Variants in FKBP5 observed in about 807,000 individuals in gnomAD.
FKBP5 encodes the protein peptidyl-prolyl cis-trans isomerase FKBP5.
A neutral mutation model predicts 50.5 loss-of-function variants in FKBP5; 23 were observed. That is an observed-to-expected ratio of 0.46 (90% CI 0.33 to 0.65). FKBP5 has a LOEUF of 0.65. FKBP5 is among the 30% of genes least tolerant of loss of function. The pLI is 0.02. For missense variants in FKBP5, 411 were observed against 553.1 expected, an observed-to-expected ratio of 0.74 and a Z score of 2.58; for synonymous variants, 176 against 190.6, an observed-to-expected ratio of 0.92 and a Z score of 0.63.
In FKBP5 at chr6:35,651,677, C is replaced by T. The variant is rs190200099; in HGVS notation, c.-19-8834G>A. On this transcript the variant is annotated intron_variant, in intron 1 of 10. Coordinates refer to ENST00000357266, the MANE Select transcript of FKBP5 (RefSeq NM_004117.4). ...TTGAGCATTCCTAATTGGAAAAATC[C>T]GAAATCCAAGATGCTCCAAACTCTG... 948 of 157,368 alleles carry T rather than the reference C, an allele frequency of 6.0e-3. 6 individuals carry two copies. The highest frequency in any genetic ancestry group is 0.04 in the East Asian group (212 of 5,302). The allele number at this position is 157,368 out of a possible 1,614,324, so 9.7% of individuals were successfully genotyped here.
At chr6:35,597,534 C>T (rs976298657) in intron 5 of FKBP5, 130 bp from the exon 6 acceptor site, 1 of 1,081,794 alleles carries the variant, frequency 9.2e-7, no homozygotes, top group Non-Finnish European at 1.3e-6. Context: ...AAGAGACACA[C>T]ACAGTGTGTC....
chr6:35,708,860 G>A (rs1382642590), intron 2 of FKBP5, among the ~76,000 whole-genome samples: 2 of 152,098 alleles, frequency 1.3e-5, no homozygotes, highest in Non-Finnish European at 2.9e-5. Flanking sequence ...GTTGAAGATG[G>A]CATAAAAATG....
At chr6:35,633,243 T>G (rs1040902409) in intron 3 of FKBP5, among the ~76,000 whole-genome samples, 2 of 152,078 alleles carry the variant, frequency 1.3e-5, no homozygotes, top group Admixed American at 6.6e-5. Flanking sequence ...TGCTATAAAA[T>G]ATAAGTATAA....
intron 2 of FKBP5, among the ~76,000 whole-genome samples, chr6:35,699,461 G>T (rs529773765): frequency 1.3e-5 from 2 of 152,240 alleles, no homozygotes; most frequent in African/African-American, 4.8e-5. Flanking sequence ...GACGACCAAG[G>T]TTACTCTCTA....
intron 1 of FKBP5, among the ~76,000 whole-genome samples, chr6:35,647,061 G>A (rs536094925): frequency 6.6e-6 from 1 of 152,242 alleles, no homozygotes; most frequent in South Asian, 2.1e-4. Flanking sequence ...CTACTAACAG[G>A]AGAGTTTTCA....
intron 1 of FKBP5, among the ~76,000 whole-genome samples, chr6:35,653,243 A>C (rs1253836874): frequency 6.6e-6 from 1 of 152,154 alleles, no homozygotes. Context: ...AGCTGCAGCT[A>C]CTCAGGAAGG....
At chr6:35,649,119 C>T (rs977694536) in intron 1 of FKBP5, among the ~76,000 whole-genome samples, 6 of 151,706 alleles carry the variant, frequency 4.0e-5, no homozygotes, top group East Asian at 1.9e-4. Context: ...GGCGTGGTGG[C>T]GAGCGCCTGT....
At chr6:35,627,372 C>A (rs145374662) in intron 3 of FKBP5, among the ~76,000 whole-genome samples, 1 of 152,102 alleles carries the variant, frequency 6.6e-6, no homozygotes, top group Non-Finnish European at 1.5e-5. Flanking sequence ...GAACTCCTGG[C>A]GTCTAAGTGA....
intron 4 of FKBP5, 133 bp from the exon 5 acceptor site, chr6:35,619,343 TC>T (rs1240937924): frequency 1.8e-6 from 1 of 564,672 alleles, no homozygotes; most frequent in African/African-American, 1.9e-5. Context: ...CATTTATGCA[TC>T]TTAATTATTG....
rs982778313 is a variant in FKBP5, at chr6:35,585,354, A to G, written c.840+1680T>C. ...TTGGAATCTTACTTGAATAGTTTAG[A>G]AGTATCCAATATACCTCAATTAGAA... On this transcript the variant is annotated intron_variant, in intron 8 of 10. Transcript: ENST00000357266. 3 of 977,958 alleles carry G rather than the reference A, an allele frequency of 3.1e-6. No individual in the cohort carries two copies. The South Asian group carries it at 1.4e-4, about 46-fold the overall frequency. The allele number at this position is 977,958 out of a possible 1,614,324, so 60.6% of individuals were successfully genotyped here. A position where few individuals can be genotyped will look rare whatever the true frequency, so the allele number is the denominator to read the frequency against.
At chr6:35,584,525 C>G (rs993891470) in intron 8 of FKBP5, 4 of 985,342 alleles carry the variant, frequency 4.1e-6, no homozygotes, top group Middle Eastern at 1.0e-3. Context: ...CCCGGGAGGG[C>G]AGTATGGCAG....
chr6:35,577,874 C>T (rs911395434), intron 9 of FKBP5, among the ~76,000 whole-genome samples: 6 of 151,980 alleles, frequency 3.9e-5, no homozygotes, highest in Non-Finnish European at 5.9e-5. Flanking sequence ...GCCAACATGG[C>T]GAAATCCTGT....
At chr6:35,613,145 G>T (rs146549248) in intron 5 of FKBP5, among the ~76,000 whole-genome samples, 243 of 152,266 alleles carry the variant, frequency 1.6e-3, no homozygotes, top group African/African-American at 5.5e-3. Flanking sequence ...ACAACATATT[G>T]TAATGGGTGA....
intron 2 of FKBP5, among the ~76,000 whole-genome samples, chr6:35,708,076 A>G (rs1276591827): frequency 2.6e-5 from 4 of 152,344 alleles, no homozygotes; most frequent in East Asian, 1.9e-4. Context: ...TTTGGCAATA[A>G]CTAACACAGT....
intron 5 of FKBP5, among the ~76,000 whole-genome samples, chr6:35,614,032 A>G (rs191234389): frequency 2.1e-4 from 32 of 152,262 alleles, no homozygotes; most frequent in Admixed American, 2.0e-3. Context: ...GGTAGCTGGG[A>G]CTAGAGGCAT....
chr6:35,639,991 A>T (rs1764432248), intron 2 of FKBP5, among the ~76,000 whole-genome samples: 1 of 152,268 alleles, frequency 6.6e-6, no homozygotes, highest in African/African-American at 2.4e-5. Context: ...TCTCAGATTC[A>T]GTTTATTCAC....
At chr6:35,583,190 C>T (rs1397235707) in intron 8 of FKBP5, 1 of 985,292 alleles carries the variant, frequency 1.0e-6, no homozygotes, top group African/African-American at 1.7e-5. Flanking sequence ...ATAGGAAGGA[C>T]AGGCATTTCC....
chr6:35,661,592 G>A (rs1765067903), intron 1 of FKBP5, among the ~76,000 whole-genome samples: 1 of 80,540 alleles, frequency 1.2e-5, no homozygotes, highest in African/African-American at 3.9e-5. Context: ...TCAACATGGT[G>A]AAACCCCGTC....
At chr6:35,616,188 G>A (rs1305917390) in intron 5 of FKBP5, among the ~76,000 whole-genome samples, 11 of 151,730 alleles carry the variant, frequency 7.2e-5, no homozygotes, top group African/African-American at 2.7e-4. Context: ...GGTGGCGTGC[G>A]CCTATAGTCC....
Sources: gnomAD v4.1 joint callset for allele counts (sites outside exome capture counted in the v4.1 genomes callset) on GRCh38, gnomAD v4.1.1 for gene constraint, MANE v1.5 for transcripts, NCBI Gene and HGNC (gene_info 2026-07-23, HGNC 2026-07-21) for gene names.